EYA4: variants seen among roughly 807,000 people sequenced by gnomAD.
EYA4 encodes EYA transcriptional coactivator and phosphatase 4.
In EYA4, 31 loss-of-function variants were observed where a neutral mutation model predicts 87.9. That is an observed-to-expected ratio of 0.35 (90% confidence interval 0.27 to 0.48). The LOEUF is 0.48. Among genes scored for constraint, EYA4 ranks in the 20% least tolerant of loss-of-function variants. EYA4 has a pLI of 0.99. For synonymous variants in EYA4, 263 were observed against 270.6 expected, an observed-to-expected ratio of 0.97 and a Z score of 0.28; for missense variants, 678 against 761.4, an observed-to-expected ratio of 0.89 and a Z score of 1.29.
intron 2 of EYA4, among the ~76,000 whole-genome samples, chr6:133,300,753 G>A (rs1779341877): frequency 6.6e-6 from 1 of 152,122 alleles, no homozygotes; most frequent in Admixed American, 6.5e-5. Flanking sequence ...TTTGTTTCTT[G>A]TAGGCATGTT....
intron 2 of EYA4, among the ~76,000 whole-genome samples, chr6:133,333,896 GC>G (rs547675379): frequency 2.0e-3 from 297 of 152,216 alleles, no homozygotes; most frequent in Middle Eastern, 6.8e-3. Context: ...AGCTAATCTT[GC>G]CTTCTGAAAA....
intron 1 of EYA4, among the ~76,000 whole-genome samples, chr6:133,260,527 C>T (rs1260917388): frequency 3.9e-5 from 6 of 152,160 alleles, no homozygotes; most frequent in Admixed American, 2.6e-4. Context: ...CATGAGCCAC[C>T]GCACCTCGCC....
chr6:133,450,016 T>C (rs1244196701), intron 5 of EYA4, among the ~76,000 whole-genome samples: 1 of 152,108 alleles, frequency 6.6e-6, no homozygotes, highest in Non-Finnish European at 1.5e-5. Flanking sequence ...AACGGAGTCT[T>C]GCTCTGTCAC....
At chr6:133,338,416 A>G (rs1305010879) in intron 2 of EYA4, among the ~76,000 whole-genome samples, 1 of 152,188 alleles carries the variant, frequency 6.6e-6, no homozygotes, top group African/African-American at 2.4e-5. Flanking sequence ...TAGTTCTTCA[A>G]TGAGAGGTAA....
intron 2 of EYA4, among the ~76,000 whole-genome samples, chr6:133,321,233 T>G (rs147563663): frequency 6.6e-6 from 1 of 152,192 alleles, no homozygotes; most frequent in Non-Finnish European, 1.5e-5. Flanking sequence ...TAGGTATTGA[T>G]TCAGCTTTAT....
At chr6:133,273,030 C>G (rs61677962) in intron 1 of EYA4, among the ~76,000 whole-genome samples, 1,963 of 150,410 alleles carry the variant, frequency 0.013, 50 homozygotes, top group African/African-American at 0.046. Context: ...TTAGACACCC[C>G]ACTCTTGTTA....
chr6:133,243,017 C>CT (rs1170510305), intron 1 of EYA4, among the ~76,000 whole-genome samples: 1 of 152,038 alleles, frequency 6.6e-6, no homozygotes, highest in Non-Finnish European at 1.5e-5. Context: ...TCCCTCTGCC[C>CT]TTTCTGCCAA....
At chr6:133,449,509 A>C (rs1490153719) in intron 5 of EYA4, among the ~76,000 whole-genome samples, 1 of 152,224 alleles carries the variant, frequency 6.6e-6, no homozygotes, top group Admixed American at 6.5e-5. Flanking sequence ...GGTAAGCATC[A>C]GGCTTTCCTG....
intron 1 of EYA4, among the ~76,000 whole-genome samples, chr6:133,268,466 A>C (rs1004618026): frequency 6.6e-6 from 1 of 152,180 alleles, no homozygotes; most frequent in Non-Finnish European, 1.5e-5. Flanking sequence ...CACTTGGCTA[A>C]TTTGTTATCA....
intron 11 of EYA4, among the ~76,000 whole-genome samples, chr6:133,480,223 G>T (rs1267829873): frequency 6.6e-6 from 1 of 152,192 alleles, no homozygotes; most frequent in Non-Finnish European, 1.5e-5. Context: ...CTAGAACTAG[G>T]AGAGTGCAAG....
At chr6:133,400,380 C>T (rs942255527) in intron 3 of EYA4, among the ~76,000 whole-genome samples, 3 of 151,676 alleles carry the variant, frequency 2.0e-5, no homozygotes, top group Admixed American at 6.6e-5. Flanking sequence ...TGGTGGCGCA[C>T]GCCTGTAATC....
At chr6:133,375,478 A>AT (rs1312163443) in intron 2 of EYA4, among the ~76,000 whole-genome samples, 5 of 151,768 alleles carry the variant, frequency 3.3e-5, no homozygotes, top group African/African-American at 4.8e-5. Flanking sequence ...CTACTTTTAC[A>AT]TTTTTTTATG....
intron 2 of EYA4, among the ~76,000 whole-genome samples, chr6:133,362,021 T>A (rs1052138757): frequency 2.0e-5 from 3 of 152,232 alleles, no homozygotes; most frequent in Non-Finnish European, 4.4e-5. Flanking sequence ...TGCTCTGGCA[T>A]ACAAGGAAGG....
chr6:133,308,598 G>A (rs1436339392), intron 2 of EYA4, among the ~76,000 whole-genome samples: 2 of 152,062 alleles, frequency 1.3e-5, no homozygotes, highest in African/African-American at 4.8e-5. Context: ...GTGTCCATGA[G>A]TACCCAGTGT....
intron 3 of EYA4, among the ~76,000 whole-genome samples, chr6:133,411,905 C>T (rs76147185): frequency 0.055 from 8,354 of 152,234 alleles, 685 homozygotes; most frequent in African/African-American, 0.17. Flanking sequence ...AACATTTTGC[C>T]AGATAGCATT....
At chr6:133,249,687 A>G (rs138627187) in intron 1 of EYA4, among the ~76,000 whole-genome samples, 2 of 152,178 alleles carry the variant, frequency 1.3e-5, no homozygotes, top group African/African-American at 4.8e-5. Flanking sequence ...TCTGGAAAAC[A>G]TCGCCCCTCT....
At chr6:133,305,999 A>G (rs75030670) in intron 2 of EYA4, among the ~76,000 whole-genome samples, 1 of 109,700 alleles carries the variant, frequency 9.1e-6, no homozygotes, top group Non-Finnish European at 2.0e-5. Context: ...GTGTGTGTGT[A>G]TTTGTTCTTC....
At chr6:133,482,180 A>G (rs779467866) in intron 12 of EYA4, among the ~76,000 whole-genome samples, 47 of 152,344 alleles carry the variant, frequency 3.1e-4, no homozygotes, top group Non-Finnish European at 5.4e-4. Flanking sequence ...CTTAACCATA[A>G]TATGTTACTT....
chr6:133,455,953 C>T (rs1793867178), intron 5 of EYA4, among the ~76,000 whole-genome samples: 1 of 152,068 alleles, frequency 6.6e-6, no homozygotes, highest in Non-Finnish European at 1.5e-5. Flanking sequence ...GTACTTGCTG[C>T]TGTAGAAGTC....
Sources: gnomAD v4.1 joint callset for allele counts (sites outside exome capture counted in the v4.1 genomes callset) on GRCh38, gnomAD v4.1.1 for gene constraint, MANE v1.5 for transcripts, NCBI Gene and HGNC (gene_info 2026-07-23, HGNC 2026-07-21) for gene names.